Variants in CDK1 observed in about 807,000 individuals in gnomAD.
CDK1 encodes the protein cyclin-dependent kinase 1.
In CDK1, 5 loss-of-function variants were observed where a neutral mutation model predicts 34.6. The ratio of observed to expected loss-of-function variants is 0.14; its 90% confidence interval spans 0.08 to 0.30. The LOEUF is 0.30. CDK1 is among the 10% of genes least tolerant of loss of function. The pLI is 1.00. For synonymous variants in CDK1, 108 were observed against 114.7 expected (o/e 0.94, Z 0.37); for missense variants, 157 against 345.7 (o/e 0.45, Z 4.33).
chr10:60,779,568 TTGTC>T (rs1427046776), intron 1 of CDK1, among the ~76,000 whole-genome samples: 2 of 152,212 alleles, frequency 1.3e-5, no homozygotes, highest in African/African-American at 2.4e-5. Flanking sequence ...TTGAGCATGT[TTGTC>T]TGTGACCTCA....
Position 60,779,289 on chromosome 10 carries a change from A to G in CDK1, c.-26+719A>G, listed in dbSNP as rs534842412. Reference sequence around the variant, plus strand: ...AGTGTGCTTTATAAATGATTTTATCATCAGTGATGGGTGTTAGAAAAATCT... The same window carrying G: ...AGTGTGCTTTATAAATGATTTTATCGTCAGTGATGGGTGTTAGAAAAATCT... On this transcript the variant is annotated intron_variant, in intron 1 of 7. Transcript: ENST00000395284. Among the ~76,000 whole-genome samples the G allele has an allele frequency of 1.6e-4, 25 of 152,326 alleles. No individual in the cohort carries two copies. The East Asian group carries it at 4.8e-3, about 29-fold the overall frequency.
intron 1 of CDK1, among the ~76,000 whole-genome samples, chr10:60,779,648 G>C (rs1178545072): frequency 6.6e-6 from 1 of 152,030 alleles, no homozygotes; most frequent in Non-Finnish European, 1.5e-5. Context: ...TGTTTTTGTC[G>C]TTTTAAACAA....
chr10:60,785,552 G>A (rs530590240), intron 3 of CDK1, 112 bp from the exon 4 acceptor site: 31 of 658,372 alleles, frequency 4.7e-5, no homozygotes, highest in East Asian at 4.7e-4. Flanking sequence ...AAGCTACTAC[G>A]TCTTCCCCAG....
intron 2 of CDK1, among the ~76,000 whole-genome samples, chr10:60,782,017 G>T (rs949866505): frequency 6.6e-6 from 1 of 152,110 alleles, no homozygotes; most frequent in African/African-American, 2.4e-5. Flanking sequence ...GCTGGATATT[G>T]TTTTGGAAAA....
At chr10:60,792,693 G>T (rs116711918) in intron 7 of CDK1, among the ~76,000 whole-genome samples, 249 of 151,848 alleles carry the variant, frequency 1.6e-3, no homozygotes, top group African/African-American at 5.7e-3. Flanking sequence ...AGCTTTATTC[G>T]CACTTTGTAC....
chr10:60,793,614 A>G (rs866866143), intron 7 of CDK1, among the ~76,000 whole-genome samples: 1 of 152,062 alleles, frequency 6.6e-6, no homozygotes, highest in Non-Finnish European at 1.5e-5. Context: ...CTATTTCTGG[A>G]TGCTTGAGTC....
chr10:60,784,557 G>C, intron 2 of CDK1, 148 bp from the exon 3 acceptor site: 1 of 596,334 alleles, frequency 1.7e-6, no homozygotes, highest in Non-Finnish European at 2.9e-6. Context: ...CTGAGCCCAG[G>C]AGGAGGAGGT....
chr10:60,792,356 T>C, intron 7 of CDK1, 67 bp downstream of exon 7: 2 of 1,416,128 alleles, frequency 1.4e-6, no homozygotes, highest in Non-Finnish European at 1.9e-6. Context: ...GTTCTTTGTT[T>C]TGCCTAGAAA....
intron 5 of CDK1, 122 bp from the exon 6 acceptor site, chr10:60,791,768 A>G: frequency 1.9e-6 from 1 of 535,040 alleles, no homozygotes; most frequent in Non-Finnish European, 3.3e-6. Flanking sequence ...ATTGACTTAA[A>G]CAATATTATT....
chr10:60,792,175 G>A lies in CDK1; in HGVS notation c.681G>A (p.Val227=). 1.2e-6 allele frequency: 2 copies of A among 1,610,348 alleles called. No individual in the cohort carries two copies. ...CTTTGGGCACTCCCAATAATGAAGT[G>A]TGGCCAGAAGTGGAATCTTTACAGG... The part of the protein sequence containing the change: ...FRALGTPNNE[V]WPEVESLQDY... Residue 227 remains valine (V), a synonymous_variant, in exon 7 of 8, where the codon GTG becomes GTA. Transcript: ENST00000395284.
At chr10:60,779,684 A>C (rs545802069) in intron 1 of CDK1, among the ~76,000 whole-genome samples, 9 of 152,342 alleles carry the variant, frequency 5.9e-5, no homozygotes, top group African/African-American at 2.2e-4. Flanking sequence ...CAGTCTGAAC[A>C]CATTTTAGTT....
At chr10:60,789,024 T>G (rs564186212) in intron 5 of CDK1, among the ~76,000 whole-genome samples, 1 of 152,284 alleles carries the variant, frequency 6.6e-6, no homozygotes, top group East Asian at 1.9e-4. Context: ...TACCATATGA[T>G]AAATATACTA....
At chr10:60,785,879 G>A in intron 4 of CDK1, 92 bp downstream of exon 4, 1 of 1,366,676 alleles carries the variant, frequency 7.3e-7, no homozygotes, top group East Asian at 2.6e-5. Context: ...GAATATGCTT[G>A]GAAAAAGTGT....
chr10:60,794,096 T>G lies in CDK1; in HGVS notation c.*121T>G, dbSNP rs1169436556. On this transcript the variant is annotated 3_prime_UTR_variant, in exon 8 of 8. Transcript: ENST00000395284. ...TATCAAACTTCAGCTGTACTTCGTC[T>G]TCTAATTTCAAAAATATAACTTAAA... is the stretch of plus-strand genomic sequence containing the variant. The G allele has an allele frequency of 1.9e-6, 1 of 530,266 alleles. No homozygotes were observed. Among genetic ancestry groups the G allele is most frequent in the East Asian group, 3.4e-5 (1 of 29,308 alleles). 32.8% of individuals were successfully genotyped at this position (530,266 alleles called of 1,614,324 possible).
intron 4 of CDK1, 167 bp downstream of exon 4, chr10:60,785,954 A>G: frequency 1.6e-6 from 2 of 1,219,214 alleles, no homozygotes; most frequent in Non-Finnish European, 1.0e-6. Flanking sequence ...AGAGATACCC[A>G]TGTTATTACC....
chr10:60,781,058 A>AT (rs11351423), intron 2 of CDK1, among the ~76,000 whole-genome samples: 2 of 149,932 alleles, frequency 1.3e-5, no homozygotes, highest in African/African-American at 2.5e-5. Context: ...ATATATATAT[A>AT]TTTTTTTTTT....
At position 60,794,093 on chromosome 10, in the gene CDK1, G is replaced by A. The variant is rs892741847; in HGVS notation, c.*118G>A. On this transcript the variant is annotated 3_prime_UTR_variant, in exon 8 of 8. Transcript: ENST00000395284. ...TGTTATCAAACTTCAGCTGTACTTC[G>A]TCTTCTAATTTCAAAAATATAACTT... 1.5e-5 allele frequency: 8 copies of A among 537,452 alleles called. No homozygotes were observed. The highest frequency in any genetic ancestry group is 9.2e-5 in the South Asian group (3 of 32,650). The allele number at this position is 537,452 out of a possible 1,614,324, so 33.3% of individuals were successfully genotyped here.
chr10:60,779,087 G>T (rs546835864), intron 1 of CDK1, among the ~76,000 whole-genome samples: 2 of 152,348 alleles, frequency 1.3e-5, no homozygotes, highest in Admixed American at 1.3e-4. Flanking sequence ...TCTTGGGCTT[G>T]CTCTGCCCAC....
intron 7 of CDK1, among the ~76,000 whole-genome samples, chr10:60,793,572 G>A (rs1871447): frequency 0.31 from 46,725 of 151,772 alleles, 7,646 homozygotes; most frequent in East Asian, 0.62. Flanking sequence ...TTAACTAGAC[G>A]TCTTTCCTAT....
Sources: gnomAD v4.1 joint callset for allele counts (sites outside exome capture counted in the v4.1 genomes callset) on GRCh38, gnomAD v4.1.1 for gene constraint, MANE v1.5 for transcripts, NCBI Gene and HGNC (gene_info 2026-07-23, HGNC 2026-07-21) for gene names.